The following SPAG16 variants were observed in gnomAD, a reference collection of about 807,000 sequenced individuals.
SPAG16 encodes sperm-associated antigen 16 protein.
Under a neutral mutation model 80.4 loss-of-function variants are expected in SPAG16, and 86 were observed. That is an observed-to-expected ratio of 1.07 (90% CI 0.90 to 1.28). The LOEUF is 1.28. Ranked by LOEUF, SPAG16 falls within the 50% of genes most tolerant of loss-of-function variation. The pLI is 0.00. For synonymous variants in SPAG16, 294 were observed against 265.9 expected (o/e 1.11, Z -1.03); for missense variants, 870 against 765.3 (o/e 1.14, Z -1.61).
chr2:213,303,929 CTTACTT>C (rs768664371), intron 3 of SPAG16, among the ~76,000 whole-genome samples: 9 of 151,986 alleles, frequency 5.9e-5, no homozygotes, highest in East Asian at 1.9e-4. Flanking sequence ...TTAAATAACT[CTTACTT>C]TTAGTTTTTT....
chr2:213,790,182 C>A (rs1293723024), intron 10 of SPAG16, among the ~76,000 whole-genome samples: 1 of 151,894 alleles, frequency 6.6e-6, no homozygotes, highest in Non-Finnish European at 1.5e-5. Context: ...TATTAAGCAT[C>A]ACTGATGATT....
At chr2:213,522,553 C>G (rs1464170714) in intron 10 of SPAG16, among the ~76,000 whole-genome samples, 3 of 152,062 alleles carry the variant, frequency 2.0e-5, no homozygotes, top group Admixed American at 2.0e-4. Flanking sequence ...TTACTGGTCC[C>G]TGGAGGAATA....
intron 10 of SPAG16, among the ~76,000 whole-genome samples, chr2:213,642,509 G>A (rs988009563): frequency 6.6e-6 from 1 of 152,090 alleles, no homozygotes; most frequent in South Asian, 2.1e-4. Flanking sequence ...AAACATTTGA[G>A]TCAGTGGGTT....
chr2:213,344,146 C>T (rs565672732), intron 6 of SPAG16, among the ~76,000 whole-genome samples: 1 of 152,182 alleles, frequency 6.6e-6, no homozygotes, highest in African/African-American at 2.4e-5. Context: ...ATTTGAATGA[C>T]CACTTCTTAA....
intron 7 of SPAG16, among the ~76,000 whole-genome samples, chr2:213,350,922 G>T (rs2065288883): frequency 6.6e-6 from 1 of 151,144 alleles, no homozygotes; most frequent in Admixed American, 6.6e-5. Context: ...CCAGGAGTTT[G>T]AGACCAGCCT....
intron 12 of SPAG16, among the ~76,000 whole-genome samples, chr2:213,960,243 C>G (rs2044344213): frequency 6.6e-6 from 1 of 151,972 alleles, no homozygotes; most frequent in South Asian, 2.1e-4. Context: ...ATTGATATTT[C>G]CATTGTGTTC....
chr2:213,433,312 T>A (rs956350467), intron 9 of SPAG16, among the ~76,000 whole-genome samples: 1 of 152,306 alleles, frequency 6.6e-6, no homozygotes, highest in East Asian at 1.9e-4. Context: ...GAAGTCAAAT[T>A]GTTTCTATTC....
intron 9 of SPAG16, among the ~76,000 whole-genome samples, chr2:213,394,606 A>G (rs1323312705): frequency 6.6e-6 from 1 of 152,188 alleles, no homozygotes; most frequent in Non-Finnish European, 1.5e-5. Flanking sequence ...AGCTCTGTCC[A>G]TGCCTAACCC....
rs72613744 is a variant in SPAG16 at position 213,926,024 on chromosome 2, G to A, written c.1215-3936G>A. On this transcript the variant is annotated intron_variant, in intron 11 of 15. Coordinates refer to ENST00000331683, the MANE Select transcript of SPAG16 (RefSeq NM_024532.5). ...TATACATTTTTCTTTCCAAACATGT[G>A]GTTCTAGGTCTTAAATTTTCTAGTT... Among the ~76,000 whole-genome samples the A allele has an allele frequency of 0.015, 2,326 of 151,932 alleles. 254 individuals carry two copies. The East Asian group carries it at 0.29, about 19-fold the overall frequency.
chr2:213,962,533 A>G (rs2044499543), intron 12 of SPAG16, among the ~76,000 whole-genome samples: 1 of 152,186 alleles, frequency 6.6e-6, no homozygotes, highest in African/African-American at 2.4e-5. Context: ...GTATGTGTGT[A>G]TACAGAGAAA....
chr2:214,351,067 T>C (rs1052816223), intron 15 of SPAG16, among the ~76,000 whole-genome samples: 1 of 152,136 alleles, frequency 6.6e-6, no homozygotes, highest in Non-Finnish European at 1.5e-5. Flanking sequence ...GTGGAGATTG[T>C]AATACTACTT....
chr2:214,188,886 G>T (rs2057566009), intron 15 of SPAG16, among the ~76,000 whole-genome samples: 1 of 152,046 alleles, frequency 6.6e-6, no homozygotes, highest in African/African-American at 2.4e-5. Flanking sequence ...CAAGTGTGGG[G>T]TCCTGCATCC....
At chr2:214,116,747 T>C (rs2053954060) in intron 14 of SPAG16, among the ~76,000 whole-genome samples, 1 of 152,228 alleles carries the variant, frequency 6.6e-6, no homozygotes, top group Admixed American at 6.5e-5. Flanking sequence ...GAGAGCCATG[T>C]CATCCTTGGA....
chr2:213,917,090 A>G (rs535734806), intron 11 of SPAG16, among the ~76,000 whole-genome samples: 9 of 152,178 alleles, frequency 5.9e-5, no homozygotes, highest in African/African-American at 2.2e-4. Flanking sequence ...CAAGTTGAAC[A>G]TGTGTGGCAT....
chr2:213,426,476 TC>T (rs151059646), intron 9 of SPAG16, among the ~76,000 whole-genome samples: 3,524 of 152,144 alleles, frequency 0.023, 58 homozygotes, highest in South Asian at 0.038. Flanking sequence ...ATCTAATGAT[TC>T]TTTTTTCCTA....
At chr2:213,884,837 A>T (rs2076491637) in intron 11 of SPAG16, among the ~76,000 whole-genome samples, 1 of 152,170 alleles carries the variant, frequency 6.6e-6, no homozygotes, top group Non-Finnish European at 1.5e-5. Context: ...TCAGCTTTAG[A>T]AGTTCAGTTT....
intron 15 of SPAG16, among the ~76,000 whole-genome samples, chr2:214,378,735 A>C (rs1700276707): frequency 6.6e-6 from 1 of 152,250 alleles, no homozygotes; most frequent in Non-Finnish European, 1.5e-5. Flanking sequence ...GCCATGCACC[A>C]CAAAGAATGT....
intron 10 of SPAG16, among the ~76,000 whole-genome samples, chr2:213,724,604 C>A (rs1254235481): frequency 2.0e-5 from 3 of 150,610 alleles, no homozygotes; most frequent in East Asian, 3.9e-4. Context: ...ATGGTGAAAC[C>A]CTGTCTCTAC....
intron 14 of SPAG16, among the ~76,000 whole-genome samples, chr2:214,113,142 G>A (rs1313311094): frequency 1.3e-5 from 2 of 152,116 alleles, no homozygotes; most frequent in Admixed American, 6.6e-5. Context: ...GTTGAATATT[G>A]TCCCCCACTC....
Sources: allele counts gnomAD v4.1 joint callset (sites outside exome capture counted in the v4.1 genomes callset), GRCh38; gene constraint gnomAD v4.1.1; transcripts MANE v1.5; gene names NCBI Gene and HGNC (gene_info 2026-07-23, HGNC 2026-07-21).